LUC7L2: variants seen among roughly 807,000 people sequenced by gnomAD.
The protein encoded by LUC7L2 is LUC7 like 2, pre-mRNA splicing factor, also known as putative RNA-binding protein Luc7-like 2.
In LUC7L2, 25 loss-of-function variants were observed where a neutral mutation model predicts 52.8. The ratio of observed to expected loss-of-function variants is 0.47; its 90% CI spans 0.34 to 0.66. The LOEUF (loss-of-function observed/expected upper bound fraction) is 0.66. LUC7L2 is among the 30% of genes least tolerant of loss of function. LUC7L2 has a pLI of 0.01. For missense variants in LUC7L2, 328 were observed against 497.8 expected (o/e 0.66, Z 3.25); for synonymous variants, 144 against 160.9 (o/e 0.89, Z 0.80).
chr7:139,415,075 T>G lies in LUC7L2; in HGVS notation c.810-2463T>G, dbSNP rs1173467553. On this transcript the variant is annotated intron_variant, in intron 8 of 9. Transcript: ENST00000354926. ...CTAAGTTTTTTTTTTTTTTTTTTTT[T>G]TTTTTTTTGTATTTTTAGTAGAGTA... 6.6e-3 allele frequency among the ~76,000 whole-genome samples: 979 copies of G among 147,304 alleles called. 14 individuals carry two copies. The highest frequency in any genetic ancestry group is 0.021 in the African/African-American group (837 of 40,786).
chr7:139,420,272 C>T (rs937307342), intron 9 of LUC7L2, among the ~76,000 whole-genome samples: 7 of 151,936 alleles, frequency 4.6e-5, no homozygotes, highest in South Asian at 2.1e-4. Flanking sequence ...GGCGCGATCT[C>T]GGCTCGTTGC....
intron 1 of LUC7L2, among the ~76,000 whole-genome samples, chr7:139,353,466 TATC>T (rs1167312344): frequency 6.6e-6 from 1 of 152,238 alleles, no homozygotes; most frequent in South Asian, 2.1e-4. Flanking sequence ...GAGGAATGGT[TATC>T]ATTGCTAAAA....
upstream of LUC7L2, among the ~76,000 whole-genome samples, chr7:139,358,347 A>G (rs1320215436): frequency 1.3e-5 from 2 of 152,156 alleles, no homozygotes; most frequent in African/African-American, 4.8e-5. Flanking sequence ...TATTACTACT[A>G]TTCATGTTTT....
At chr7:139,357,428 AAAAT>A (rs1799637573), upstream of LUC7L2, among the ~76,000 whole-genome samples, 1 of 152,186 alleles carries the variant, frequency 6.6e-6, no homozygotes, top group Non-Finnish European at 1.5e-5. Flanking sequence ...TAAGACATCT[AAAAT>A]AAAAAAAAGA....
intron 1 of LUC7L2, among the ~76,000 whole-genome samples, chr7:139,364,157 G>A (rs1800024377): frequency 6.6e-6 from 1 of 151,738 alleles, no homozygotes; most frequent in Non-Finnish European, 1.5e-5. Context: ...GCTAATTTTT[G>A]TATTTTTAGT....
At chr7:139,367,508 T>G (rs1260118863) in intron 1 of LUC7L2, among the ~76,000 whole-genome samples, 1 of 152,242 alleles carries the variant, frequency 6.6e-6, no homozygotes, top group African/African-American at 2.4e-5. Context: ...TGGGAACTTT[T>G]TTTCTTGACT....
At chr7:139,384,592 A>T (rs923078270) in intron 2 of LUC7L2, among the ~76,000 whole-genome samples, 1 of 152,242 alleles carries the variant, frequency 6.6e-6, no homozygotes, top group Admixed American at 6.5e-5. Flanking sequence ...GCTTTAAAAG[A>T]TTGCCAGTGA....
chr7:139,374,631 G>A, intron 1 of LUC7L2: 9 of 1,444,732 alleles, frequency 6.2e-6, no homozygotes, highest in Non-Finnish European at 8.2e-6. Context: ...TACTAGAGAC[G>A]AGCTTCTAGA....
chr7:139,350,413 A>G (rs542494849), intron 1 of LUC7L2, among the ~76,000 whole-genome samples: 7 of 151,254 alleles, frequency 4.6e-5, no homozygotes, highest in East Asian at 2.0e-4. Context: ...GAGCCACTGC[A>G]CCCAGCCACC....
intron 3 of LUC7L2, among the ~76,000 whole-genome samples, chr7:139,401,639 G>T (rs1794920961): frequency 6.6e-6 from 1 of 151,906 alleles, no homozygotes; most frequent in South Asian, 2.1e-4. Context: ...TTTTAGTAGA[G>T]ACGAGGTTTC....
In LUC7L2 at chr7:139,409,278, T is replaced by G. The variant is rs1345114678; in HGVS notation, c.688-285T>G. On this transcript the variant is annotated intron_variant, in intron 6 of 9. Coordinates refer to ENST00000354926, the MANE Select transcript of LUC7L2 (RefSeq NM_016019.5). The stretch of plus-strand genomic sequence containing the variant: ...GCAACATAGCGAGATTCTGTCTCTA[T>G]TTTAAAATAATTTGTTTTCACTTAA... Among the ~76,000 whole-genome samples, 8 of 151,502 alleles carry G rather than the reference T, an allele frequency of 5.3e-5. No homozygotes were observed. In the East Asian group the frequency reaches 1.5e-3, roughly 29 times the overall value.
intron 1 of LUC7L2, among the ~76,000 whole-genome samples, chr7:139,340,939 C>T (rs1454737748): frequency 6.6e-6 from 1 of 152,076 alleles, no homozygotes; most frequent in East Asian, 1.9e-4. Flanking sequence ...CGCAGGTCCC[C>T]TGGGATTTGG....
intron 7 of LUC7L2, among the ~76,000 whole-genome samples, chr7:139,411,817 A>ATG: frequency 6.7e-6 from 1 of 150,280 alleles, no homozygotes; most frequent in South Asian, 2.1e-4. Context: ...CTCCAAGAGT[A>ATG]TGTAGATCTC....
chr7:139,352,198 AAAG>A (rs1250653197), intron 1 of LUC7L2, among the ~76,000 whole-genome samples: 1 of 151,514 alleles, frequency 6.6e-6, no homozygotes, highest in East Asian at 2.0e-4. Context: ...CATCTCTAAA[AAAG>A]AAGAAAAGCC....
intron 9 of LUC7L2, among the ~76,000 whole-genome samples, chr7:139,420,226 G>A (rs1484113597): frequency 6.6e-6 from 1 of 151,702 alleles, no homozygotes; most frequent in Non-Finnish European, 1.5e-5. Flanking sequence ...TTTTTGAGAC[G>A]AGAGTCTCGT....
At chr7:139,347,045 T>C (rs116214729) in intron 1 of LUC7L2, among the ~76,000 whole-genome samples, 1,578 of 152,326 alleles carry the variant, frequency 0.01, 32 homozygotes, top group African/African-American at 0.037. Context: ...TTGCTTCTTA[T>C]ATCCTTATTT....
At chr7:139,376,917 A>G (rs1800740437) in intron 2 of LUC7L2, among the ~76,000 whole-genome samples, 1 of 152,232 alleles carries the variant, frequency 6.6e-6, no homozygotes, top group South Asian at 2.1e-4. Context: ...TTGCCTTTTC[A>G]GAAGCAATGA....
chr7:139,398,761 T>A, intron 3 of LUC7L2, 64 bp downstream of exon 3: 1 of 1,469,788 alleles, frequency 6.8e-7, no homozygotes, highest in Non-Finnish European at 9.3e-7. Flanking sequence ...GAATGTGGAT[T>A]AAGATCTCTT....
At chr7:139,395,918 G>A (rs948354241) in intron 2 of LUC7L2, among the ~76,000 whole-genome samples, 3 of 152,174 alleles carry the variant, frequency 2.0e-5, no homozygotes, top group Admixed American at 1.3e-4. Flanking sequence ...GAAGTGCTGG[G>A]ATTATAGGCA....
Sources: allele counts gnomAD v4.1 joint callset (sites outside exome capture counted in the v4.1 genomes callset), GRCh38; gene constraint gnomAD v4.1.1; transcripts MANE v1.5; gene names NCBI Gene and HGNC (gene_info 2026-07-23, HGNC 2026-07-21).